The following TBCE variants were observed in gnomAD, a reference collection of about 807,000 sequenced individuals.
TBCE encodes tubulin-specific chaperone E.
In TBCE, 53 loss-of-function variants were observed where a neutral mutation model predicts 77.0. That is an observed-to-expected ratio of 0.69 (90% CI 0.55 to 0.87). The LOEUF is 0.87. Among genes scored for constraint, TBCE ranks in the 40% least tolerant of loss-of-function variants. TBCE has a pLI of 0.00. For missense variants in TBCE, 624 were observed against 622.4 expected, an observed-to-expected ratio of 1.00 and a Z score of -0.03; for synonymous variants, 235 against 241.3, an observed-to-expected ratio of 0.97 and a Z score of 0.24.
chr1:235,427,532 G>A (rs113229857), intron 6 of TBCE, among the ~76,000 whole-genome samples: 12 of 152,236 alleles, frequency 7.9e-5, no homozygotes, highest in African/African-American at 2.9e-4. Flanking sequence ...GGTTCAAGAT[G>A]GCAGCTCCAT....
At chr1:235,390,638 A>G (rs558240763) in intron 2 of TBCE, among the ~76,000 whole-genome samples, 94 of 151,924 alleles carry the variant, frequency 6.2e-4, no homozygotes, top group African/African-American at 2.0e-3. Flanking sequence ...GTGCATGCCA[A>G]TAATCCGAGC....
intron 2 of TBCE, among the ~76,000 whole-genome samples, chr1:235,385,289 T>C (rs1392024612): frequency 6.6e-6 from 1 of 152,156 alleles, no homozygotes; most frequent in Non-Finnish European, 1.5e-5. Flanking sequence ...AAAATGTATA[T>C]TCTGTTGATT....
chr1:235,378,833 C>T (rs1050922963), intron 1 of TBCE, among the ~76,000 whole-genome samples: 1 of 152,056 alleles, frequency 6.6e-6, no homozygotes, highest in African/African-American at 2.4e-5. Context: ...TGCACTCCAG[C>T]CTGGGCAACA....
rs376299531 is a variant in TBCE, at chr1:235,450,405, T to C, written c.*1643T>C. On this transcript the variant is annotated 3_prime_UTR_variant, in exon 17 of 17. Coordinates refer to ENST00000642610, the MANE Select transcript of TBCE (RefSeq NM_003193.5). Reference sequence around the variant, plus strand: ...ACTGTTTTAAGAGCATCAGAAAGTATGCACGTAGACAGCTTTTATGTATTC... The same window carrying C: ...ACTGTTTTAAGAGCATCAGAAAGTACGCACGTAGACAGCTTTTATGTATTC... 1.9e-5 allele frequency: 29 copies of C among 1,548,840 alleles called. No homozygotes were observed. Among genetic ancestry groups the C allele is most frequent in the Admixed American group, 6.7e-5 (4 of 59,402 alleles).
chr1:235,372,549 A>G (rs1345883866), intron 1 of TBCE, among the ~76,000 whole-genome samples: 1 of 152,108 alleles, frequency 6.6e-6, no homozygotes, highest in Non-Finnish European at 1.5e-5. Flanking sequence ...TGGAAGGCTG[A>G]GACGGGAGAA....
intron 4 of TBCE, chr1:235,418,387 T>C (rs1477573364): frequency 6.6e-6 from 1 of 152,184 alleles, no homozygotes; most frequent in East Asian, 1.9e-4. Context: ...GATGGTGGAA[T>C]TGGGATTTGA....
At chr1:235,435,695 A>C (rs927790011) in intron 8 of TBCE, 50 bp from the exon 9 acceptor site, 1 of 1,537,138 alleles carries the variant, frequency 6.5e-7, no homozygotes, top group African/African-American at 1.4e-5. Context: ...GTATCTTTGA[A>C]AACAATTAAG....
Position 235,401,612 on chromosome 1 carries a change from C to T in TBCE, c.185+25C>T, listed in dbSNP as rs201941363. On this transcript the variant is annotated intron_variant, in intron 3 of 16. Transcript: ENST00000642610. ...GGTAACTTTTCATTATGAATCAGCA[C>T]GGTCATTTAGTCAAGATTATATTTA... The T allele has an allele frequency of 1.4e-4, 226 of 1,571,342 alleles. 1 individual carries two copies. The highest frequency in any genetic ancestry group is 3.8e-4 in the East Asian group (17 of 44,638).
chr1:235,372,388 A>G (rs557945124), intron 1 of TBCE, among the ~76,000 whole-genome samples: 1 of 152,304 alleles, frequency 6.6e-6, no homozygotes, highest in African/African-American at 2.4e-5. Context: ...ATATTTATCT[A>G]TCTTAAGAAT....
Position 235,435,780 on chromosome 1 carries a change from A to G in TBCE, c.773A>G (p.Asp258Gly). The G allele has an allele frequency of 6.2e-7, 1 of 1,614,190 alleles. No individual in the cohort carries two copies. The highest frequency in any genetic ancestry group is 8.5e-7 in the Non-Finnish European group (1 of 1,180,026). Residue 258 changes from aspartate to glycine, a missense_variant, in exon 9 of 17, where the codon GAT becomes GGT. Physicochemically the swap from Asp to Gly is moderately conservative, Grantham distance 94. Coordinates refer to ENST00000642610, the MANE Select transcript of TBCE (RefSeq NM_003193.5). ...TDVLQTVKLL[D>G]LSSNQLIDEN... ...GTTCTCCAGACAGTCAAGTTATTAG[A>G]TCTTTCCTCTAATCAATTAATTGAT... is the stretch of plus-strand genomic sequence containing the variant.
Position 235,448,826 on chromosome 1 carries a change from T to C in TBCE, c.*64T>C. The C allele has an allele frequency of 1.7e-6, 2 of 1,178,956 alleles. No homozygotes were observed. The highest frequency in any genetic ancestry group is 2.5e-6 in the Non-Finnish European group (2 of 792,024). 73.0% of individuals were successfully genotyped at this position (1,178,956 alleles called of 1,614,324 possible). ...GTGTCTGGGGTTCACCGGAAATAAA[T>C]GATTCACTGGAACAATTCTACTGTC... On this transcript the variant is annotated 3_prime_UTR_variant, in exon 17 of 17. Coordinates refer to ENST00000642610, the MANE Select transcript of TBCE (RefSeq NM_003193.5).
At chr1:235,386,753 T>C (rs1572338243) in intron 2 of TBCE, among the ~76,000 whole-genome samples, 1 of 152,210 alleles carries the variant, frequency 6.6e-6, no homozygotes, top group South Asian at 2.1e-4. Flanking sequence ...AATTTCCTCC[T>C]GTAGCTCGGA....
intron 5 of TBCE, among the ~76,000 whole-genome samples, chr1:235,422,650 T>G (rs900049754): frequency 7.9e-5 from 12 of 151,768 alleles, no homozygotes; most frequent in Admixed American, 2.6e-4. Context: ...GCCAACGCGG[T>G]GAAACCCCAT....
intron 4 of TBCE, among the ~76,000 whole-genome samples, chr1:235,417,801 A>C (rs1183892275): frequency 6.6e-6 from 1 of 151,972 alleles, no homozygotes; most frequent in African/African-American, 2.4e-5. Flanking sequence ...TTTGAGACAG[A>C]GTTTCACTCT....
chr1:235,437,021 C>T (rs1433010644), intron 11 of TBCE, among the ~76,000 whole-genome samples: 3 of 151,824 alleles, frequency 2.0e-5, no homozygotes, highest in Admixed American at 6.6e-5. Context: ...CCCAGCTACT[C>T]GGGAGGCTGA....
chr1:235,420,016 C>T (rs1185324992), intron 5 of TBCE, among the ~76,000 whole-genome samples: 3 of 151,642 alleles, frequency 2.0e-5, no homozygotes, highest in East Asian at 2.0e-4. Flanking sequence ...ACCCGCTAGG[C>T]GGAGGTTGCA....
chr1:235,423,180 G>C (rs906549362), intron 5 of TBCE, among the ~76,000 whole-genome samples: 1 of 152,138 alleles, frequency 6.6e-6, no homozygotes, highest in African/African-American at 2.4e-5. Context: ...GCAGACCCGG[G>C]TGTGTCAAAT....
Position 235,414,441 on chromosome 1 carries a change from CA to C in TBCE, c.195del (p.Gly66GlufsTer10), listed in dbSNP as rs1179717146. On this transcript the variant is annotated frameshift_variant, in exon 4 of 17. Transcript: ENST00000642610. LOFTEE classifies it high-confidence loss of function. ...GTVYFKCRHP[T>X]GGSFIRPNKV... ...TTGCTCTTCTTTACCAGGCACCCGA[CA>C]GGAGGATCCTTTATTCGTCCGAACA... 1.2e-6 allele frequency: 2 copies of C among 1,613,668 alleles called. No individual in the cohort carries two copies. Among genetic ancestry groups the C allele is most frequent in the Non-Finnish European group, 1.7e-6 (2 of 1,179,978 alleles).
intron 3 of TBCE, among the ~76,000 whole-genome samples, chr1:235,409,234 A>ATGTG (rs1045075689): frequency 6.6e-6 from 1 of 152,136 alleles, no homozygotes; most frequent in African/African-American, 2.4e-5. Context: ...TACCAGCAGC[A>ATGTG]TGTGTAATTG....
Sources: allele counts gnomAD v4.1 joint callset (sites outside exome capture counted in the v4.1 genomes callset), GRCh38; gene constraint gnomAD v4.1.1; transcripts MANE v1.5; gene names NCBI Gene and HGNC (gene_info 2026-07-23, HGNC 2026-07-21).